SCHIP1: variants seen among roughly 807,000 people sequenced by gnomAD.
The protein encoded by SCHIP1 is schwannomin interacting protein 1.
SCHIP1 carries 8 observed loss-of-function variants against 29.7 expected under a neutral mutation model. The ratio of observed to expected loss-of-function variants is 0.27; its 90% CI spans 0.16 to 0.49. The LOEUF (loss-of-function observed/expected upper bound fraction) is 0.49. SCHIP1 is among the 20% of genes least tolerant of loss of function. The probability of loss-of-function intolerance (pLI) is 0.99; values close to 1 mark genes in which losing one functional copy is unlikely to be tolerated. For synonymous variants in SCHIP1, 76 were observed against 94.9 expected, an observed-to-expected ratio of 0.80 and a Z score of 1.16; for missense variants, 193 against 294.6, an observed-to-expected ratio of 0.66 and a Z score of 2.52.
the SCHIP1 span, among the ~76,000 whole-genome samples, chr3:159,676,930 G>A: frequency 5.3e-5 from 8 of 152,106 alleles, no homozygotes; most frequent in East Asian, 5.8e-4. Flanking sequence ...CAATTATTAC[G>A]TCTACAGCAA....
chr3:159,629,077 C>T, the SCHIP1 span, among the ~76,000 whole-genome samples: 16 of 152,020 alleles, frequency 1.1e-4, no homozygotes, highest in East Asian at 1.2e-3. Flanking sequence ...GCTGAAAATA[C>T]GGTAATGATA....
At chr3:159,883,449 G>A (rs1443164700) in intron 2 of SCHIP1, among the ~76,000 whole-genome samples, 1 of 152,002 alleles carries the variant, frequency 6.6e-6, no homozygotes, top group African/African-American at 2.4e-5. Flanking sequence ...CCTGGAACAG[G>A]GGTTATCTGT....
the SCHIP1 span, among the ~76,000 whole-genome samples, chr3:159,538,261 G>T: frequency 6.6e-6 from 1 of 152,116 alleles, no homozygotes; most frequent in Non-Finnish European, 1.5e-5. Flanking sequence ...AAAAACAACT[G>T]CCATAATAAT....
chr3:159,800,751 C>T, the SCHIP1 span, among the ~76,000 whole-genome samples: 12 of 151,260 alleles, frequency 7.9e-5, no homozygotes, highest in African/African-American at 2.4e-4. Context: ...GGTATGTGTG[C>T]GAGCTCAGAT....
chr3:159,736,223 G>A, the SCHIP1 span, among the ~76,000 whole-genome samples: 18 of 152,238 alleles, frequency 1.2e-4, no homozygotes, highest in Admixed American at 8.5e-4. Flanking sequence ...AGTCGATGCT[G>A]AGGCAACCAT....
chr3:159,495,724 C>A, the SCHIP1 span, among the ~76,000 whole-genome samples: 3 of 152,168 alleles, frequency 2.0e-5, no homozygotes, highest in Non-Finnish European at 4.4e-5. Context: ...ATCAAGCTAC[C>A]AATGACTTTC....
At chr3:159,640,589 C>T in the SCHIP1 span, among the ~76,000 whole-genome samples, 2 of 152,158 alleles carry the variant, frequency 1.3e-5, no homozygotes, top group Non-Finnish European at 2.9e-5. Context: ...CTACAACTCT[C>T]TGCCTTAATT....
the SCHIP1 span, among the ~76,000 whole-genome samples, chr3:159,532,375 C>T: frequency 0.011 from 1,657 of 152,194 alleles, 11 homozygotes; most frequent in Non-Finnish European, 0.018. Flanking sequence ...GGTGATTTAT[C>T]TGACCCATTA....
At chr3:159,742,083 G>A in the SCHIP1 span, among the ~76,000 whole-genome samples, 13 of 152,198 alleles carry the variant, frequency 8.5e-5, no homozygotes, top group East Asian at 1.9e-4. Flanking sequence ...AAAATTAGCC[G>A]GGTGTGGTGG....
At chr3:159,789,561 C>G in the SCHIP1 span, among the ~76,000 whole-genome samples, 1 of 152,196 alleles carries the variant, frequency 6.6e-6, no homozygotes, top group Non-Finnish European at 1.5e-5. Flanking sequence ...CCCTGGAACA[C>G]TTGTTTGAAA....
the SCHIP1 span, among the ~76,000 whole-genome samples, chr3:159,626,286 AGAT>A: frequency 3.4e-5 from 5 of 146,096 alleles, no homozygotes; most frequent in Admixed American, 3.4e-4. Context: ...ATAGATAGAT[AGAT>A]AGATAGATAG....
chr3:159,706,151 A>G, the SCHIP1 span, among the ~76,000 whole-genome samples: 1 of 152,164 alleles, frequency 6.6e-6, no homozygotes, highest in East Asian at 1.9e-4. Flanking sequence ...CCTTCTATCA[A>G]TAGGTGTTCT....
chr3:159,895,844 C>T (rs1718008889), intron 6 of SCHIP1, among the ~76,000 whole-genome samples: 1 of 152,160 alleles, frequency 6.6e-6, no homozygotes, highest in South Asian at 2.1e-4. Flanking sequence ...TACAGGCGCA[C>T]ACCACCATGC....
At chr3:159,621,805 A>G in the SCHIP1 span, among the ~76,000 whole-genome samples, 1 of 152,064 alleles carries the variant, frequency 6.6e-6, no homozygotes, top group South Asian at 2.1e-4. Context: ...AGCTTGGATT[A>G]CAGGTGCCCA....
At chr3:159,529,168 T>C in the SCHIP1 span, among the ~76,000 whole-genome samples, 2 of 152,162 alleles carry the variant, frequency 1.3e-5, no homozygotes, top group Non-Finnish European at 1.5e-5. Flanking sequence ...GGCAAAACCA[T>C]AGAAGTAAAG....
intron 2 of SCHIP1, among the ~76,000 whole-genome samples, chr3:159,867,970 G>GTGATTTTTATATATATATATAAATCAA (rs1560089633): frequency 4.2e-5 from 6 of 143,850 alleles, no homozygotes; most frequent in Non-Finnish European, 9.1e-5. Flanking sequence ...TTGAAAATCA[G>GTGATTTTTATATATATATATAAATCAA]TGATTTATAT....
At chr3:159,764,613 G>A in the SCHIP1 span, 2 of 1,609,456 alleles carry the variant, frequency 1.2e-6, no homozygotes, top group Non-Finnish European at 8.5e-7. The surrounding 1 kb of genome is among the most constrained non-coding windows in gnomAD (Gnocchi z 6.1). Context: ...AGGACTATGA[G>A]GAGCCCTTCC....
At chr3:159,769,427 C>A in the SCHIP1 span, among the ~76,000 whole-genome samples, 1 of 152,188 alleles carries the variant, frequency 6.6e-6, no homozygotes, top group Non-Finnish European at 1.5e-5. Flanking sequence ...TCTCTGGAGA[C>A]TCAGCCTATT....
the SCHIP1 span, among the ~76,000 whole-genome samples, chr3:159,637,898 A>C: frequency 6.6e-6 from 1 of 152,202 alleles, no homozygotes; most frequent in Non-Finnish European, 1.5e-5. Context: ...GCTTATGCCC[A>C]TAGAATTAAG....
Sources: allele counts gnomAD v4.1 joint callset (sites outside exome capture counted in the v4.1 genomes callset), GRCh38; gene constraint gnomAD v4.1.1; non-coding constraint Gnocchi (gnomAD v3.1); transcripts MANE v1.5; gene names NCBI Gene and HGNC (gene_info 2026-07-23, HGNC 2026-07-21).